PEX3: variants seen among roughly 807,000 people sequenced by gnomAD.
PEX3 encodes the protein peroxisomal biogenesis factor 3.
In PEX3, 30 loss-of-function variants were observed where a neutral mutation model predicts 55.8. The ratio of observed to expected loss-of-function variants is 0.54; its 90% CI spans 0.40 to 0.73. The LOEUF (loss-of-function observed/expected upper bound fraction) is 0.73, where lower values mean the gene tolerates loss of function less well. PEX3 is among the 30% of genes least tolerant of loss of function. The pLI is 0.00. For synonymous variants in PEX3, 135 were observed against 148.4 expected (o/e 0.91, Z 0.66); for missense variants, 351 against 432.8 (o/e 0.81, Z 1.68).
chr6:143,474,264 A>G (rs1245456477), intron 8 of PEX3, among the ~76,000 whole-genome samples: 6 of 152,134 alleles, frequency 3.9e-5, no homozygotes, highest in Admixed American at 3.9e-4. Flanking sequence ...TCTGACCAAT[A>G]TGGTGAAACC....
In PEX3 at chr6:143,459,337, T is replaced by G; in HGVS notation, c.205+121T>G. 1.2e-6 allele frequency: 1 copy of G among 835,446 alleles called. No individual in the cohort carries two copies. The highest frequency in any genetic ancestry group is 2.0e-6 in the Non-Finnish European group (1 of 490,814). The allele number at this position is 835,446 out of a possible 1,614,324, so 51.8% of individuals were successfully genotyped here. Reference sequence around the variant, plus strand: ...AAAGATGGTAAATCTAGCAAGTGTTTGAATGATTTAACTGAATTACATCAT... The same window carrying G: ...AAAGATGGTAAATCTAGCAAGTGTTGGAATGATTTAACTGAATTACATCAT... On this transcript the variant is annotated intron_variant, in intron 2 of 11. Transcript: ENST00000367591. This position sits in a 1 kb window ranked among gnomAD's most constrained non-coding sequence, Gnocchi z 4.2.
rs1780156153 is a variant in PEX3 at position 143,476,516 on chromosome 6, G to A, written c.818+1660G>A. ...GAGGGAACCAATTTCAAGAGTTGAA[G>A]TAGTCTAATCAAGAGACAGTTGCAG... is the stretch of plus-strand genomic sequence containing the variant. On this transcript the variant is annotated intron_variant, in intron 9 of 11. Transcript: ENST00000367591. The surrounding 1 kb of genome is among the most constrained non-coding windows in gnomAD (Gnocchi z 5.4). Among the ~76,000 whole-genome samples the A allele has an allele frequency of 6.6e-6, 1 of 152,216 alleles. No homozygotes were observed. Among genetic ancestry groups the A allele is most frequent in the South Asian group, 2.1e-4 (1 of 4,828 alleles).
Position 143,488,778 on chromosome 6 carries a change from G to C in PEX3, c.1039-365G>C, listed in dbSNP as rs1051006359. ...TACCGTATGTTAGATCTTCTAGAAA[G>C]TAATACACCCTTAACCGTGTTATGT... On this transcript the variant is annotated intron_variant, in intron 11 of 11. Coordinates refer to ENST00000367591, the MANE Select transcript of PEX3 (RefSeq NM_003630.3). The surrounding 1 kb of genome is among the most constrained non-coding windows in gnomAD (Gnocchi z 4.9). Among the ~76,000 whole-genome samples the C allele has an allele frequency of 3.9e-5, 6 of 152,026 alleles. No homozygotes were observed. The highest frequency in any genetic ancestry group is 7.4e-5 in the Non-Finnish European group (5 of 67,948).
chr6:143,456,475 A>G (rs1779846884), intron 1 of PEX3, among the ~76,000 whole-genome samples: 1 of 152,228 alleles, frequency 6.6e-6, no homozygotes, highest in South Asian at 2.1e-4. Context: ...CAAGTACCAC[A>G]AAATGGGCGG....
chr6:143,481,626 A>G (rs1364873253), intron 10 of PEX3, among the ~76,000 whole-genome samples: 3 of 152,188 alleles, frequency 2.0e-5, no homozygotes, highest in Admixed American at 6.5e-5. Context: ...AAGATAAAAA[A>G]CATTATCTTC....
chr6:143,462,055 C>A lies in PEX3; in HGVS notation c.206-861C>A, dbSNP rs1408269989. Among the ~76,000 whole-genome samples the A allele has an allele frequency of 6.6e-6, 1 of 152,126 alleles. No individual in the cohort carries two copies. The highest frequency in any genetic ancestry group is 1.5e-5 in the Non-Finnish European group (1 of 68,014). On this transcript the variant is annotated intron_variant, in intron 2 of 11. Transcript: ENST00000367591. The surrounding 1 kb of genome is among the most constrained non-coding windows in gnomAD (Gnocchi z 4.1). ...TTTTTATATGTGTATTCCTCCATTT[C>A]TTTTTTTCTCTAATCCCATGACAGA...
chr6:143,474,117 T>G (rs1224453725), intron 8 of PEX3, among the ~76,000 whole-genome samples: 1 of 150,352 alleles, frequency 6.7e-6, no homozygotes, highest in East Asian at 2.0e-4. Flanking sequence ...GATGACAGAG[T>G]GAGACCCTTT....
At position 143,487,167 on chromosome 6, in the gene PEX3, A is replaced by T. The variant is rs1358791502; in HGVS notation, c.1038+1919A>T. On this transcript the variant is annotated intron_variant, in intron 11 of 11. Coordinates refer to ENST00000367591, the MANE Select transcript of PEX3 (RefSeq NM_003630.3). The surrounding 1 kb of genome is among the most constrained non-coding windows in gnomAD (Gnocchi z 5.3). ...CAGATTGCTTTCAGATAACATAAGG[A>T]AAGAGCTTTTATAGTGTGAACCAAC... Among the ~76,000 whole-genome samples the T allele has an allele frequency of 6.6e-6, 1 of 152,186 alleles. No individual in the cohort carries two copies. Among genetic ancestry groups the T allele is most frequent in the Non-Finnish European group, 1.5e-5 (1 of 68,022 alleles).
rs1779882669 is a variant in PEX3 at position 143,458,940 on chromosome 6, T to A, written c.74-145T>A. On this transcript the variant is annotated intron_variant, in intron 1 of 11. Transcript: ENST00000367591. This position sits in a 1 kb window ranked among gnomAD's most constrained non-coding sequence, Gnocchi z 6.1. ...GCTAATTTCCTTTTCTTTGGGCCAATCTTACAAAATTCTTTATTTAGGTTT... is the reference window on the plus strand; with the variant it reads ...GCTAATTTCCTTTTCTTTGGGCCAAACTTACAAAATTCTTTATTTAGGTTT... 3.4e-6 allele frequency: 2 copies of A among 590,804 alleles called. No individual in the cohort carries two copies. Among genetic ancestry groups the A allele is most frequent in the Non-Finnish European group, 6.0e-6 (2 of 331,602 alleles). The allele number at this position is 590,804 out of a possible 1,614,324, so 36.6% of individuals were successfully genotyped here.
Position 143,485,168 on chromosome 6 carries a change from C to T in PEX3, c.958C>T (p.Leu320=). The T allele has an allele frequency of 6.3e-7, 1 of 1,597,418 alleles. No individual in the cohort carries two copies. Among genetic ancestry groups the T allele is most frequent in the Admixed American group, 1.7e-5 (1 of 59,902 alleles). ...NSMNSLSSVS[L]PLAKIIPIVN... is the part of the protein sequence containing the mutation. ...ATTTTTCAGTCTTTCCAGTGTCAGC[C>T]TGCCTTTAGCTAAGATAATTCCAAT... The change falls in exon 11 of 12, where the codon CTG becomes TTG. Residue 320 remains leucine (L), a synonymous_variant. Coordinates refer to ENST00000367591, the MANE Select transcript of PEX3 (RefSeq NM_003630.3). This position sits in a 1 kb window ranked among gnomAD's most constrained non-coding sequence, Gnocchi z 5.6.
chr6:143,478,275 G>C (rs1206361924), intron 9 of PEX3, among the ~76,000 whole-genome samples: 2 of 152,108 alleles, frequency 1.3e-5, no homozygotes, highest in African/African-American at 4.8e-5. Flanking sequence ...GAATTGGCTG[G>C]AAATGGGCCT....
At position 143,487,254 on chromosome 6, in the gene PEX3, A is replaced by G. The variant is rs187329921; in HGVS notation, c.1039-1889A>G. On this transcript the variant is annotated intron_variant, in intron 11 of 11. Coordinates refer to ENST00000367591, the MANE Select transcript of PEX3 (RefSeq NM_003630.3). The surrounding 1 kb of genome is among the most constrained non-coding windows in gnomAD (Gnocchi z 5.3). ...CATCCTAGAAGCTGCATCAGGATAC[A>G]GTATTTGAACAGATTAAAGTCTTTA... 6.6e-6 allele frequency among the ~76,000 whole-genome samples: 1 copy of G among 152,196 alleles called. No homozygotes were observed. The highest frequency in any genetic ancestry group is 2.4e-5 in the African/African-American group (1 of 41,462).
At chr6:143,474,724 A>T in intron 8 of PEX3, 62 bp from the exon 9 acceptor site, 2 of 849,440 alleles carry the variant, frequency 2.4e-6, no homozygotes, top group Non-Finnish European at 4.1e-6. Context: ...GAATGTGATT[A>T]GTTTCATCAT....
rs1780068234 is a variant in PEX3 at position 143,471,169 on chromosome 6, A to G, written c.456+84A>G. ...CTTATTTATCCTGATAACAATTTCT[A>G]TGAAATAAATATTTTTATATTTCAT... On this transcript the variant is annotated intron_variant, in intron 5 of 11. Coordinates refer to ENST00000367591, the MANE Select transcript of PEX3 (RefSeq NM_003630.3). The surrounding 1 kb of genome is among the most constrained non-coding windows in gnomAD (Gnocchi z 5.4). 8.1e-7 allele frequency: 1 copy of G among 1,227,032 alleles called. No homozygotes were observed. 76.0% of individuals were successfully genotyped at this position (1,227,032 alleles called of 1,614,324 possible).
intron 4 of PEX3, 148 bp downstream of exon 4, chr6:143,468,313 AATGTCTGGTC>A: frequency 3.3e-6 from 2 of 612,136 alleles, no homozygotes; most frequent in Non-Finnish European, 5.9e-6. Flanking sequence ...CAAATAGATC[AATGTCTGGTC>A]ATAGAAAGCA....
rs1033008974 is a variant in PEX3, at chr6:143,471,954, A to T, written c.579-206A>T. Among the ~76,000 whole-genome samples the T allele has an allele frequency of 3.3e-5, 5 of 152,148 alleles. No individual in the cohort carries two copies. The highest frequency in any genetic ancestry group is 7.4e-5 in the Non-Finnish European group (5 of 67,994). Reference sequence around the variant, plus strand: ...CTATAATTACAGTAGGAATTCTCTTATGGAATCCAGAGAAATACTTTTCTT... The same window carrying T: ...CTATAATTACAGTAGGAATTCTCTTTTGGAATCCAGAGAAATACTTTTCTT... On this transcript the variant is annotated intron_variant, in intron 7 of 11. Transcript: ENST00000367591. The surrounding 1 kb of genome is among the most constrained non-coding windows in gnomAD (Gnocchi z 5.4).
At chr6:143,477,855 C>G (rs1028541239) in intron 9 of PEX3, among the ~76,000 whole-genome samples, 4 of 152,040 alleles carry the variant, frequency 2.6e-5, no homozygotes, top group African/African-American at 9.7e-5. Flanking sequence ...CTTCTTGGAA[C>G]CTTACCATAT....
intron 10 of PEX3, among the ~76,000 whole-genome samples, chr6:143,484,094 T>C (rs568996126): frequency 6.6e-6 from 1 of 152,276 alleles, no homozygotes; most frequent in East Asian, 1.9e-4. Context: ...AGGAAATTTT[T>C]AGTGTAGCCC....
rs1463249067 is a variant in PEX3 at position 143,462,745 on chromosome 6, G to C, written c.206-171G>C. Among the ~76,000 whole-genome samples the C allele has an allele frequency of 6.6e-6, 1 of 152,084 alleles. No individual in the cohort carries two copies. Among genetic ancestry groups the C allele is most frequent in the Non-Finnish European group, 1.5e-5 (1 of 68,006 alleles). On this transcript the variant is annotated intron_variant, in intron 2 of 11. Coordinates refer to ENST00000367591, the MANE Select transcript of PEX3 (RefSeq NM_003630.3). The surrounding 1 kb of genome is among the most constrained non-coding windows in gnomAD (Gnocchi z 4.1). ...CATAAGCAGATAAATGATTTGTTAG[G>C]ATATAATCGTTTTATAATAATAATA...
Sources: allele counts gnomAD v4.1 joint callset (sites outside exome capture counted in the v4.1 genomes callset), GRCh38; gene constraint gnomAD v4.1.1; non-coding constraint Gnocchi (gnomAD v3.1); transcripts MANE v1.5; gene names NCBI Gene and HGNC (gene_info 2026-07-23, HGNC 2026-07-21).